Variants in GLDC observed in about 807,000 individuals in gnomAD.
GLDC encodes the protein glycine dehydrogenase (decarboxylating), mitochondrial.
GLDC carries 104 observed loss-of-function variants against 121.3 expected under a neutral mutation model. That is an observed-to-expected ratio of 0.86 (90% CI 0.73 to 1.01). GLDC has a LOEUF of 1.01. GLDC is among the 50% of genes least tolerant of loss of function. The pLI, the probability that GLDC is intolerant of heterozygous loss-of-function variation, is 0.00. For synonymous variants in GLDC, 546 were observed against 480.6 expected (o/e 1.14, Z -1.78); for missense variants, 1,429 against 1,306.6 (o/e 1.09, Z -1.44).
intron 9 of GLDC, among the ~76,000 whole-genome samples, chr9:6,593,416 A>G (rs962678928): frequency 6.6e-6 from 1 of 151,666 alleles, no homozygotes; most frequent in African/African-American, 2.4e-5. Context: ...CCCTTGCCTC[A>G]GCCTCCCAAG....
intron 15 of GLDC, among the ~76,000 whole-genome samples, chr9:6,567,977 T>A (rs886989202): frequency 6.6e-6 from 1 of 152,348 alleles, no homozygotes; most frequent in Middle Eastern, 3.4e-3. Context: ...AGGCAATCAA[T>A]ATGAATGTCA....
chr9:6,549,272 C>T (rs1817459515), intron 21 of GLDC, among the ~76,000 whole-genome samples: 1 of 151,852 alleles, frequency 6.6e-6, no homozygotes, highest in African/African-American at 2.4e-5. Context: ...AAAGCAGGCG[C>T]AGCCTCCACT....
chr9:6,534,835 C>T (rs1817087032), intron 23 of GLDC, 47 bp from the exon 24 acceptor site: 1 of 981,478 alleles, frequency 1.0e-6, no homozygotes, highest in Non-Finnish European at 1.6e-6. Context: ...AATACACTCT[C>T]TTCTCCTCCT....
chr9:6,536,748 G>C (rs1817137032), intron 22 of GLDC, among the ~76,000 whole-genome samples: 1 of 152,066 alleles, frequency 6.6e-6, no homozygotes, highest in African/African-American at 2.4e-5. Context: ...GCAATTAAGA[G>C]AAATAAAAAT....
chr9:6,580,707 T>C (rs1288903308), intron 15 of GLDC, among the ~76,000 whole-genome samples: 1 of 152,188 alleles, frequency 6.6e-6, no homozygotes, highest in African/African-American at 2.4e-5. Context: ...GTGCCATAGT[T>C]ATTGGCTTCT....
chr9:6,576,343 T>TG (rs1180030866), intron 15 of GLDC, among the ~76,000 whole-genome samples: 1 of 152,234 alleles, frequency 6.6e-6, no homozygotes, highest in Admixed American at 6.5e-5. Context: ...AAGAGCTCTC[T>TG]GGGGTCTTTC....
chr9:6,608,065 G>A (rs1818771613), intron 4 of GLDC, among the ~76,000 whole-genome samples: 1 of 151,960 alleles, frequency 6.6e-6, no homozygotes, highest in African/African-American at 2.4e-5. Flanking sequence ...CAAGGCTGCA[G>A]TGAGCTGAGA....
intron 15 of GLDC, among the ~76,000 whole-genome samples, chr9:6,583,969 G>A (rs1349611845): frequency 6.6e-6 from 1 of 152,210 alleles, no homozygotes; most frequent in Non-Finnish European, 1.5e-5. Context: ...GTACAACAGT[G>A]TGAATATACT....
At chr9:6,581,058 C>A (rs1237670259) in intron 15 of GLDC, among the ~76,000 whole-genome samples, 2 of 152,190 alleles carry the variant, frequency 1.3e-5, no homozygotes, top group Non-Finnish European at 2.9e-5. Context: ...CTCTGCCAGG[C>A]ACGTTCTTGG....
chr9:6,592,765 T>G (rs1034151762), intron 10 of GLDC, 86 bp downstream of exon 10: 20 of 1,355,844 alleles, frequency 1.5e-5, no homozygotes, highest in Non-Finnish European at 2.0e-5. Flanking sequence ...TTCCTTTTTA[T>G]TTTTTAAAAA....
chr9:6,565,461 T>C, intron 15 of GLDC, 32 bp from the exon 16 acceptor site: 1 of 1,536,260 alleles, frequency 6.5e-7, no homozygotes, highest in South Asian at 1.1e-5. Context: ...GGATCACGGT[T>C]AGGTCTTCTG....
chr9:6,629,145 C>G (rs895781092), intron 2 of GLDC, among the ~76,000 whole-genome samples: 2 of 151,832 alleles, frequency 1.3e-5, no homozygotes, highest in Non-Finnish European at 2.9e-5. Flanking sequence ...CCTAAAATAG[C>G]AACAGTTTTG....
intron 16 of GLDC, among the ~76,000 whole-genome samples, chr9:6,560,465 C>T (rs894820155): frequency 1.3e-5 from 2 of 152,196 alleles, no homozygotes; most frequent in Non-Finnish European, 2.9e-5. Flanking sequence ...GTCCTCAAAT[C>T]CGTTTTCTTG....
At chr9:6,548,832 G>T (rs780319625) in intron 21 of GLDC, among the ~76,000 whole-genome samples, 1 of 152,062 alleles carries the variant, frequency 6.6e-6, no homozygotes, top group Non-Finnish European at 1.5e-5. Context: ...TCCCCCATCT[G>T]TTTTTCTCTC....
intron 2 of GLDC, among the ~76,000 whole-genome samples, chr9:6,642,061 T>C (rs546678208): frequency 2.1e-4 from 32 of 152,294 alleles, no homozygotes; most frequent in Admixed American, 4.6e-4. Flanking sequence ...CCTTTGCAGA[T>C]GCATCCTCCT....
At chr9:6,585,398 T>C (rs2129824556) in intron 15 of GLDC, among the ~76,000 whole-genome samples, 1 of 152,328 alleles carries the variant, frequency 6.6e-6, no homozygotes, top group East Asian at 1.9e-4. Context: ...CTGAGGTTTG[T>C]CTCTTAAAAC....
At chr9:6,568,190 T>TTCTC (rs145587460) in intron 15 of GLDC, among the ~76,000 whole-genome samples, 6 of 149,580 alleles carry the variant, frequency 4.0e-5, no homozygotes, top group South Asian at 2.1e-4. Context: ...AATGCTGGAT[T>TTCTC]TCTCTCTCTC....
intron 2 of GLDC, among the ~76,000 whole-genome samples, chr9:6,638,553 C>T (rs1216129369): frequency 1.3e-5 from 2 of 152,158 alleles, no homozygotes; most frequent in African/African-American, 4.8e-5. Flanking sequence ...TATATTCCAA[C>T]TCTTAACTCT....
At chr9:6,567,966 C>G (rs1303067765) in intron 15 of GLDC, among the ~76,000 whole-genome samples, 1 of 152,204 alleles carries the variant, frequency 6.6e-6, no homozygotes, top group African/African-American at 2.4e-5. Flanking sequence ...TCCTCCAGCA[C>G]AGGCAATCAA....
Sources: gnomAD v4.1 joint callset for allele counts (sites outside exome capture counted in the v4.1 genomes callset) on GRCh38, gnomAD v4.1.1 for gene constraint, MANE v1.5 for transcripts, NCBI Gene and HGNC (gene_info 2026-07-23, HGNC 2026-07-21) for gene names.